CNTNAP2: variants seen among roughly 807,000 people sequenced by gnomAD.
The protein encoded by CNTNAP2 is contactin-associated protein-like 2.
CNTNAP2 carries 98 observed loss-of-function variants against 155.2 expected under a neutral mutation model. That is an observed-to-expected ratio of 0.63 (90% CI 0.54 to 0.75). The LOEUF (loss-of-function observed/expected upper bound fraction) is 0.75. CNTNAP2 is among the 30% of genes least tolerant of loss of function. The pLI, the probability that CNTNAP2 is intolerant of heterozygous loss-of-function variation, is 0.00. For missense variants in CNTNAP2, 1,727 were observed against 1,688.1 expected (o/e 1.02, Z -0.40); for synonymous variants, 651 against 631.2 (o/e 1.03, Z -0.47).
intron 8 of CNTNAP2, among the ~76,000 whole-genome samples, chr7:147,203,727 GA>G (rs968534021): frequency 1.1e-4 from 16 of 151,952 alleles, no homozygotes; most frequent in Admixed American, 7.2e-4. Context: ...AACAAAAACA[GA>G]AAAAAATATA....
At chr7:147,083,689 CATAG>C (rs1800194746) in intron 4 of CNTNAP2, among the ~76,000 whole-genome samples, 1 of 142,738 alleles carries the variant, frequency 7.0e-6, no homozygotes, top group Non-Finnish European at 1.5e-5. Flanking sequence ...ATATATGATA[CATAG>C]ATATATAATG....
chr7:147,173,739 G>A (rs941774293), intron 8 of CNTNAP2, among the ~76,000 whole-genome samples: 34 of 152,092 alleles, frequency 2.2e-4, no homozygotes, highest in Non-Finnish European at 8.8e-5. Flanking sequence ...TTCATTCAGA[G>A]ATGACAAAAA....
chr7:147,822,950 C>CTT (rs1349103906), intron 13 of CNTNAP2, among the ~76,000 whole-genome samples: 1 of 152,182 alleles, frequency 6.6e-6, no homozygotes, highest in African/African-American at 2.4e-5. Flanking sequence ...CAGAAAATAT[C>CTT]ATTTTATCAG....
At chr7:148,086,055 A>T (rs1466700194) in intron 15 of CNTNAP2, among the ~76,000 whole-genome samples, 1 of 152,166 alleles carries the variant, frequency 6.6e-6, no homozygotes, top group Admixed American at 6.5e-5. Flanking sequence ...TTATTTTCTT[A>T]TGAAACAACC....
chr7:146,382,468 A>G (rs897424725), intron 1 of CNTNAP2, among the ~76,000 whole-genome samples: 3 of 152,126 alleles, frequency 2.0e-5, no homozygotes, highest in Non-Finnish European at 4.4e-5. Context: ...AAACAAGGTA[A>G]TTTCTGAGGT....
chr7:147,699,270 A>G lies in CNTNAP2; in HGVS notation c.2098+59964A>G, dbSNP rs1269430018. ...AAACGCTTTTTAAAAGATGGCTTTC[A>G]TAAAAAGGAATGAGTTCATGTCCTT... On this transcript the variant is annotated intron_variant, in intron 13 of 23. Transcript: ENST00000361727. 7.9e-5 allele frequency among the ~76,000 whole-genome samples: 12 copies of G among 151,782 alleles called. No individual in the cohort carries two copies. The South Asian group carries it at 1.5e-3, about 18-fold the overall frequency.
intron 14 of CNTNAP2, among the ~76,000 whole-genome samples, chr7:147,951,143 CAGAG>C (rs1463477344): frequency 6.6e-6 from 1 of 152,126 alleles, no homozygotes; most frequent in African/African-American, 2.4e-5. Context: ...TCTCAGAGGG[CAGAG>C]AGAAAGTTGT....
At chr7:147,249,020 C>A (rs1011729016) in intron 8 of CNTNAP2, among the ~76,000 whole-genome samples, 1 of 152,128 alleles carries the variant, frequency 6.6e-6, no homozygotes, top group Non-Finnish European at 1.5e-5. Context: ...AAAACACACA[C>A]ACACATACAA....
In CNTNAP2 at chr7:146,806,432, G is replaced by C. The variant is rs575555640; in HGVS notation, c.208+32051G>C. Among the ~76,000 whole-genome samples the C allele has an allele frequency of 1.3e-3, 200 of 152,086 alleles. 2 individuals carry two copies. The highest frequency in any genetic ancestry group is 4.7e-3 in the African/African-American group (197 of 41,492). The stretch of plus-strand genomic sequence containing the variant: ...AATCACTTGAACCCAGGAGGCGGGG[G>C]TTGCAGTGAGCCAAGATTGCACCAT... On this transcript the variant is annotated intron_variant, in intron 2 of 23. Coordinates refer to ENST00000361727, the MANE Select transcript of CNTNAP2 (RefSeq NM_014141.6).
chr7:147,435,298 A>G lies in CNTNAP2; in HGVS notation c.1670+39518A>G, dbSNP rs144351225. Reference sequence around the variant, plus strand: ...ATAATAACTGCACGAGAGCCATCACAGCAGCAGAGGTAAGGATCTCTGCCA... The same window carrying G: ...ATAATAACTGCACGAGAGCCATCACGGCAGCAGAGGTAAGGATCTCTGCCA... On this transcript the variant is annotated intron_variant, in intron 10 of 23. Transcript: ENST00000361727. Among the ~76,000 whole-genome samples the G allele has an allele frequency of 1.5e-3, 224 of 152,324 alleles. 1 individual carries two copies. The highest frequency in any genetic ancestry group is 2.8e-3 in the Non-Finnish European group (190 of 68,026).
At chr7:146,861,993 C>A (rs1456263043) in intron 3 of CNTNAP2, among the ~76,000 whole-genome samples, 1 of 152,074 alleles carries the variant, frequency 6.6e-6, no homozygotes, top group East Asian at 1.9e-4. Flanking sequence ...CACTTGCCAA[C>A]CTTTTAATTA....
At chr7:147,091,349 A>G (rs1198840692) in intron 4 of CNTNAP2, among the ~76,000 whole-genome samples, 2 of 152,042 alleles carry the variant, frequency 1.3e-5, no homozygotes, top group Admixed American at 1.3e-4. Flanking sequence ...TAATTTTCTG[A>G]AAAATGCTCT....
chr7:146,637,075 T>G (rs140648190), intron 1 of CNTNAP2, among the ~76,000 whole-genome samples: 209 of 152,240 alleles, frequency 1.4e-3, no homozygotes, highest in African/African-American at 4.6e-3. Context: ...ATAAAAACCT[T>G]GAGAGAAATA....
At chr7:147,359,630 C>T (rs908479762) in intron 9 of CNTNAP2, among the ~76,000 whole-genome samples, 3 of 152,156 alleles carry the variant, frequency 2.0e-5, no homozygotes, top group East Asian at 1.9e-4. Context: ...TAACTGTGCT[C>T]TTTGTTTAGC....
intron 6 of CNTNAP2, 128 bp from the exon 7 acceptor site, chr7:147,128,564 AG>A: frequency 6.2e-6 from 6 of 963,532 alleles, no homozygotes; most frequent in Non-Finnish European, 9.7e-6. Flanking sequence ...TAGATTTTGG[AG>A]GCAGAATGCT....
intron 10 of CNTNAP2, among the ~76,000 whole-genome samples, chr7:147,482,916 C>G (rs1798448959): frequency 6.7e-6 from 1 of 149,896 alleles, no homozygotes; most frequent in African/African-American, 2.5e-5. Flanking sequence ...TGTCGTGGTA[C>G]ACACCTGTAA....
intron 1 of CNTNAP2, among the ~76,000 whole-genome samples, chr7:146,194,306 T>C (rs935702453): frequency 2.0e-5 from 3 of 152,212 alleles, no homozygotes; most frequent in Admixed American, 1.3e-4. Context: ...AAAGGAAAGA[T>C]GTTTAATGGA....
chr7:147,521,250 T>C (rs991706210), intron 11 of CNTNAP2, among the ~76,000 whole-genome samples: 10 of 152,158 alleles, frequency 6.6e-5, no homozygotes, highest in Admixed American at 3.3e-4. Flanking sequence ...TTCATGCCAT[T>C]CTCCTTCCTC....
intron 3 of CNTNAP2, among the ~76,000 whole-genome samples, chr7:147,031,732 A>G (rs7810471): frequency 0.062 from 9,419 of 152,268 alleles, 793 homozygotes; most frequent in African/African-American, 0.19. Context: ...AGCCTGGGCA[A>G]TGTGGTGAAA....
Sources: allele counts gnomAD v4.1 joint callset (sites outside exome capture counted in the v4.1 genomes callset), GRCh38; gene constraint gnomAD v4.1.1; transcripts MANE v1.5; gene names NCBI Gene and HGNC (gene_info 2026-07-23, HGNC 2026-07-21).